GOLGA1: variants seen among roughly 807,000 people sequenced by gnomAD.
GOLGA1 encodes golgin subfamily A member 1.
In GOLGA1, 63 loss-of-function variants were observed where a neutral mutation model predicts 119.7. The ratio of observed to expected loss-of-function variants is 0.53; its 90% CI spans 0.43 to 0.65. GOLGA1 has a LOEUF of 0.65. Ranked by LOEUF, GOLGA1 falls within the 30% of genes least tolerant of loss-of-function variation. GOLGA1 has a pLI of 0.00. For missense variants in GOLGA1, 798 were observed against 912.8 expected (o/e 0.87, Z 1.62); for synonymous variants, 318 against 333.4 (o/e 0.95, Z 0.50).
rs1169720795 is a variant in GOLGA1, at chr9:124,916,871, G to GAC, written c.843+4256_843+4257dup. ...AGCCTGGGTGACAGAGTGAGACCCT[G>GAC]ACACACAAAAAAAAAAAAAAAAAAA... On this transcript the variant is annotated intron_variant, in intron 10 of 22. Coordinates refer to ENST00000373555, the MANE Select transcript of GOLGA1 (RefSeq NM_002077.4). Among the ~76,000 whole-genome samples the GAC allele has an allele frequency of 1.8e-3, 114 of 62,616 alleles. 1 individual carries two copies. The highest frequency in any genetic ancestry group is 6.9e-3 in the African/African-American group (91 of 13,122). The allele number at this position is 62,616 out of a possible 152,430, so 41.1% of individuals were successfully genotyped here.
chr9:124,938,295 A>G (rs1365925371), intron 3 of GOLGA1, among the ~76,000 whole-genome samples: 2 of 152,172 alleles, frequency 1.3e-5, no homozygotes, highest in African/African-American at 4.8e-5. Context: ...AATGAAATGC[A>G]AAAGAAGATG....
chr9:124,920,613 T>G (rs1199792490), intron 10 of GOLGA1, among the ~76,000 whole-genome samples: 1 of 152,114 alleles, frequency 6.6e-6, no homozygotes, highest in African/African-American at 2.4e-5. Flanking sequence ...GTATTTTTCA[T>G]GCTCAAGGTC....
Position 124,889,472 on chromosome 9 carries a change from A to C in GOLGA1, c.1562T>G (p.Leu521Arg). ...GAGAATCTCCTGCTCTTTCTGGAGA[A>C]GCACTTCGGTTTTTTCCCGCAGATT... ...EQNLREKTEV[L>R]LQKEQEILQL... is the part of the protein sequence containing the mutation. Residue 521 changes from leucine (L) to arginine (R), a missense_variant, in exon 17 of 23, where the codon CTT (leucine) becomes CGT (arginine). Leu to Arg is a moderately radical substitution (Grantham distance 102). Coordinates refer to ENST00000373555, the MANE Select transcript of GOLGA1 (RefSeq NM_002077.4). 1 of 1,613,908 alleles carries C rather than the reference A, an allele frequency of 6.2e-7. No homozygotes were observed.
intron 12 of GOLGA1, among the ~76,000 whole-genome samples, chr9:124,901,272 ATTTT>A (rs35565039): frequency 9.1e-6 from 1 of 110,014 alleles, no homozygotes. Flanking sequence ...TGCCCGGCCT[ATTTT>A]TTTTTTTTTT....
chr9:124,922,278 T>C (rs948613756), intron 8 of GOLGA1, among the ~76,000 whole-genome samples: 3 of 143,178 alleles, frequency 2.1e-5, no homozygotes, highest in Non-Finnish European at 4.6e-5. Context: ...CTCGGCTGGA[T>C]ACGGTGGCTC....
chr9:124,936,178 C>T (rs1397781150), intron 3 of GOLGA1, among the ~76,000 whole-genome samples: 2 of 152,146 alleles, frequency 1.3e-5, no homozygotes, highest in Non-Finnish European at 2.9e-5. Context: ...CAGAACCCAG[C>T]CTTAAAACTA....
At chr9:124,925,141 A>C (rs1830649698) in intron 7 of GOLGA1, among the ~76,000 whole-genome samples, 1 of 152,148 alleles carries the variant, frequency 6.6e-6, no homozygotes, top group Non-Finnish European at 1.5e-5. Context: ...CAAAACAAAG[A>C]GAAAATTCCC....
chr9:124,921,175 T>A lies in GOLGA1; in HGVS notation c.797A>T (p.Gln266Leu). 1 of 1,613,170 alleles carries A rather than the reference T, an allele frequency of 6.2e-7. No homozygotes were observed. The highest frequency in any genetic ancestry group is 8.5e-7 in the Non-Finnish European group (1 of 1,179,072). Residue 266 changes from glutamine (Q) to leucine (L), a missense_variant, in exon 10 of 23, where the codon CAA becomes CTA. Coordinates refer to ENST00000373555, the MANE Select transcript of GOLGA1 (RefSeq NM_002077.4). ...CTGCTGAATGAGTGCTTGGAGCTCTTGTTCCTTTTGTTCCAGGGCTGTGAT... is the reference window on the plus strand; with the variant it reads ...CTGCTGAATGAGTGCTTGGAGCTCTAGTTCCTTTTGTTCCAGGGCTGTGAT... ...SKITALEQKE[Q>L]ELQALIQQLS... is the part of the protein sequence containing the mutation.
chr9:124,888,163 CA>C lies in GOLGA1; in HGVS notation c.1905+89del. ...TTGCCAGGAGGTGCGGGGGAAACCACAAAAACCTCCAAGGATGGACTGGGTC... is the reference window on the plus strand; with the variant it reads ...TTGCCAGGAGGTGCGGGGGAAACCACAAAACCTCCAAGGATGGACTGGGTC... On this transcript the variant is annotated intron_variant, in intron 19 of 22. Coordinates refer to ENST00000373555, the MANE Select transcript of GOLGA1 (RefSeq NM_002077.4). The surrounding 1 kb of genome is among the most constrained non-coding windows in gnomAD (Gnocchi z 4.4). The C allele has an allele frequency of 7.6e-7, 1 of 1,317,336 alleles. No homozygotes were observed. Among genetic ancestry groups the C allele is most frequent in the Non-Finnish European group, 1.1e-6 (1 of 923,302 alleles). 81.6% of individuals were successfully genotyped at this position (1,317,336 alleles called of 1,614,324 possible). A position where few individuals can be genotyped will look rare whatever the true frequency, so the allele number is the denominator to read the frequency against.
chr9:124,884,707 T>C (rs1829677533), intron 19 of GOLGA1, among the ~76,000 whole-genome samples: 1 of 152,200 alleles, frequency 6.6e-6, no homozygotes, highest in Admixed American at 6.5e-5. Context: ...CTTGTGGCTT[T>C]GATTTCTATT....
Position 124,900,479 on chromosome 9 carries a change from A to G in GOLGA1, c.1134T>C (p.Ala378=). The G allele has an allele frequency of 6.3e-7, 1 of 1,593,656 alleles. No homozygotes were observed. The highest frequency in any genetic ancestry group is 1.3e-5 in the African/African-American group (1 of 74,664). The stretch of plus-strand genomic sequence containing the variant: ...GCTCCTGTATCTGAGTTTCCTGGGC[A>G]GCCACAATGCCCTTGCTCTGTTGGA... The part of the protein sequence containing the change: ...EQLQQSKGIV[A]AQETQIQELA... Residue 378 remains alanine, a synonymous_variant, in exon 13 of 23, where the codon GCT becomes GCC. Coordinates refer to ENST00000373555, the MANE Select transcript of GOLGA1 (RefSeq NM_002077.4).
At chr9:124,908,516 T>C (rs1254706224) in intron 11 of GOLGA1, 44 bp from the exon 12 acceptor site, 3 of 986,104 alleles carry the variant, frequency 3.0e-6, no homozygotes, top group East Asian at 2.4e-5. Context: ...CATTCCTCAG[T>C]TGAATAAATA....
At chr9:124,886,705 G>T (rs1290230207) in intron 19 of GOLGA1, among the ~76,000 whole-genome samples, 1 of 152,148 alleles carries the variant, frequency 6.6e-6, no homozygotes, top group Non-Finnish European at 1.5e-5. Flanking sequence ...AGGCAAGAAG[G>T]GGGAGGCGGC....
At position 124,923,859 on chromosome 9, in the gene GOLGA1, T is replaced by C. The variant is rs188467417; in HGVS notation, c.433-636A>G. ...TTTTATGTGTCTACTCTTTCGTCGT[T>C]GTTGTTTGTTTTTTGACACAGAGTC... is the stretch of plus-strand genomic sequence containing the variant. On this transcript the variant is annotated intron_variant, in intron 7 of 22. Coordinates refer to ENST00000373555, the MANE Select transcript of GOLGA1 (RefSeq NM_002077.4). Among the ~76,000 whole-genome samples, 202 of 152,180 alleles carry C rather than the reference T, an allele frequency of 1.3e-3. 1 individual carries two copies. The highest frequency in any genetic ancestry group is 2.2e-3 in the Non-Finnish European group (152 of 68,006).
chr9:124,904,201 G>A (rs1456342126), intron 12 of GOLGA1, among the ~76,000 whole-genome samples: 1 of 151,980 alleles, frequency 6.6e-6, no homozygotes, highest in Non-Finnish European at 1.5e-5. Flanking sequence ...AACATTGTAT[G>A]ATTCCACCAA....
chr9:124,883,940 C>T (rs1829654068), intron 19 of GOLGA1, among the ~76,000 whole-genome samples: 1 of 152,002 alleles, frequency 6.6e-6, no homozygotes, highest in Non-Finnish European at 1.5e-5. Flanking sequence ...ATTACACATT[C>T]CATACACATT....
At chr9:124,895,619 G>T (rs866127499) in intron 15 of GOLGA1, among the ~76,000 whole-genome samples, 1 of 123,232 alleles carries the variant, frequency 8.1e-6, no homozygotes, top group Non-Finnish European at 1.6e-5. Context: ...GAGCCTCCAC[G>T]ACAGGGAGCC....
chr9:124,923,180 T>C lies in GOLGA1; in HGVS notation c.476A>G (p.Gln159Arg), dbSNP rs778094051. 4.8e-5 allele frequency: 77 copies of C among 1,597,088 alleles called. No individual in the cohort carries two copies. In the South Asian group the frequency reaches 8.3e-4, roughly 17 times the overall value. Residue 159 changes from glutamine to arginine, a missense_variant, in exon 8 of 23, where the codon CAG becomes CGG. Physicochemically the swap from Gln to Arg is conservative, Grantham distance 43. Transcript: ENST00000373555. ...LTAQLQEMKN[Q>R]SMNLFQRRDE... ...TCTCCTTTGGAAAAGATTCATACTCTGGTTCTTCATTTCCTGTAACTGGGC... is the reference window on the plus strand; with the variant it reads ...TCTCCTTTGGAAAAGATTCATACTCCGGTTCTTCATTTCCTGTAACTGGGC...
intron 10 of GOLGA1, among the ~76,000 whole-genome samples, chr9:124,916,494 A>G (rs1326741603): frequency 2.0e-5 from 3 of 152,148 alleles, no homozygotes; most frequent in Non-Finnish European, 4.4e-5. Flanking sequence ...CAAATGAACA[A>G]TTATGTAGAA....
Sources: allele counts gnomAD v4.1 joint callset (sites outside exome capture counted in the v4.1 genomes callset), GRCh38; gene constraint gnomAD v4.1.1; non-coding constraint Gnocchi (gnomAD v3.1); transcripts MANE v1.5; gene names NCBI Gene and HGNC (gene_info 2026-07-23, HGNC 2026-07-21).